The following CRISPLD2 variants were observed in gnomAD, a reference collection of about 807,000 sequenced individuals.
The protein encoded by CRISPLD2 is cysteine rich secretory protein LCCL domain containing 2.
Under a neutral mutation model 71.1 loss-of-function variants are expected in CRISPLD2, and 47 were observed. The ratio of observed to expected loss-of-function variants is 0.66; its 90% CI spans 0.52 to 0.84. CRISPLD2 has a LOEUF of 0.84. CRISPLD2 is among the 40% of genes least tolerant of loss of function. The pLI is 0.00. For missense variants in CRISPLD2, 830 were observed against 651.1 expected (o/e 1.27, Z -2.99); for synonymous variants, 317 against 250.1 (o/e 1.27, Z -2.52).
rs114234975 is a variant in CRISPLD2, at chr16:84,866,995, A to G, written c.808A>G (p.Met270Val). 1.4e-3 allele frequency: 2,209 copies of G among 1,614,068 alleles called. 32 individuals are homozygous for G. In the African/African-American group the frequency reaches 0.026, roughly 19 times the overall value. The change falls in exon 7 of 15, where the codon ATG becomes GTG. Residue 270 changes from methionine to valine, a missense_variant. By Grantham distance (21) the Met-to-Val change is conservative. Transcript: ENST00000262424. ...ENHVWLQPRVMRPTKPKKTSA... is the reference protein window; with the variant it reads ...ENHVWLQPRVVRPTKPKKTSA... Reference sequence around the variant, plus strand: ...CCATGTTTGGCTCCAACCGAGGGTGATGAGACCCACCAAGCCCAAGAAAAC... The same window carrying G: ...CCATGTTTGGCTCCAACCGAGGGTGGTGAGACCCACCAAGCCCAAGAAAAC...
At chr16:84,843,801 G>A (rs1015766990) in intron 2 of CRISPLD2, among the ~76,000 whole-genome samples, 2 of 152,362 alleles carry the variant, frequency 1.3e-5, no homozygotes, top group East Asian at 3.9e-4. Flanking sequence ...AGCCAGACAA[G>A]AGGGGGTTGT....
At chr16:84,868,725 GC>G in intron 7 of CRISPLD2, 125 bp from the exon 8 acceptor site, 2 of 777,580 alleles carry the variant, frequency 2.6e-6, no homozygotes, top group Non-Finnish European at 4.3e-6. Flanking sequence ...ATCAGGCATT[GC>G]CCTTGCTCTT....
chr16:84,897,148 A>G (rs1485836857), intron 14 of CRISPLD2, among the ~76,000 whole-genome samples: 2 of 152,228 alleles, frequency 1.3e-5, no homozygotes, highest in East Asian at 3.9e-4. Flanking sequence ...TCTGGCCTTT[A>G]AAGGGCCTTT....
intron 1 of CRISPLD2, among the ~76,000 whole-genome samples, chr16:84,826,363 G>A (rs945810252): frequency 4.6e-5 from 7 of 152,230 alleles, no homozygotes; most frequent in African/African-American, 1.2e-4. Flanking sequence ...AAGCTGTGAC[G>A]CCCTGATGCT....
At chr16:84,903,164 C>A (rs1440145203) in intron 14 of CRISPLD2, among the ~76,000 whole-genome samples, 2 of 152,104 alleles carry the variant, frequency 1.3e-5, no homozygotes, top group African/African-American at 2.4e-5. Flanking sequence ...TAGCCCAGTC[C>A]AAAACAATGG....
intron 6 of CRISPLD2, among the ~76,000 whole-genome samples, chr16:84,863,421 C>T (rs936109943): frequency 1.3e-5 from 2 of 152,172 alleles, no homozygotes; most frequent in African/African-American, 4.8e-5. Context: ...ATCCAGGGTG[C>T]CTGGTAAGGC....
In CRISPLD2 at chr16:84,901,013, GCACACACA is replaced by G. The variant is rs3222775; in HGVS notation, c.1440-5551_1440-5544del. Among the ~76,000 whole-genome samples the G allele has an allele frequency of 6.1e-3, 853 of 140,172 alleles. 8 individuals are homozygous for G. The highest frequency in any genetic ancestry group is 0.021 in the African/African-American group (810 of 38,324). The allele number at this position is 140,172 out of a possible 152,430, so 92.0% of individuals were successfully genotyped here. ...TGCAGTGAATCATGATGGTGTCACT[GCACACACA>G]CACACACACACACACACACACACGC... On this transcript the variant is annotated intron_variant, in intron 14 of 14. Coordinates refer to ENST00000262424, the MANE Select transcript of CRISPLD2 (RefSeq NM_031476.4).
chr16:84,875,172 T>C (rs971494537), intron 11 of CRISPLD2, among the ~76,000 whole-genome samples: 1 of 152,036 alleles, frequency 6.6e-6, no homozygotes, highest in African/African-American at 2.4e-5. Flanking sequence ...GCCTGGAAAC[T>C]TGAGGCTGCA....
intron 1 of CRISPLD2, among the ~76,000 whole-genome samples, chr16:84,823,737 G>C (rs930938363): frequency 1.3e-5 from 2 of 152,172 alleles, no homozygotes; most frequent in African/African-American, 4.8e-5. Flanking sequence ...CTTGAGTGCT[G>C]CATCAGCTAA....
At chr16:84,889,177 G>C in intron 13 of CRISPLD2, 53 bp from the exon 14 acceptor site, 2 of 1,612,554 alleles carry the variant, frequency 1.2e-6, no homozygotes, top group East Asian at 2.2e-5. Flanking sequence ...CAGCTGGCTT[G>C]ACCCATGAGC....
At chr16:84,869,049 G>T (rs1215986304) in intron 8 of CRISPLD2, 138 bp downstream of exon 8, 5 of 721,540 alleles carry the variant, frequency 6.9e-6, no homozygotes, top group Non-Finnish European at 9.0e-6. Flanking sequence ...GGCAGAACAG[G>T]GGTTAGGGCT....
intron 11 of CRISPLD2, among the ~76,000 whole-genome samples, chr16:84,876,942 C>A (rs1308674981): frequency 6.6e-6 from 1 of 152,186 alleles, no homozygotes; most frequent in Non-Finnish European, 1.5e-5. Context: ...AGCCCCTCGC[C>A]CCTCAGCAGG....
chr16:84,842,513 A>G (rs1254389430), intron 2 of CRISPLD2, among the ~76,000 whole-genome samples: 1 of 151,556 alleles, frequency 6.6e-6, no homozygotes, highest in African/African-American at 2.4e-5. Flanking sequence ...AGCTGGAACG[A>G]CAGGTGCGCA....
At position 84,885,812 on chromosome 16, in the gene CRISPLD2, C is replaced by T. The variant is rs190963645; in HGVS notation, c.1306-3418C>T. On this transcript the variant is annotated intron_variant, in intron 13 of 14. Transcript: ENST00000262424. ...TTAATGTGGGAATGTTGGATCCCTT[C>T]TTTTTTTTTTTTTTTTTTTTTTGAG... is the stretch of plus-strand genomic sequence containing the variant. Among the ~76,000 whole-genome samples, 905 of 95,396 alleles carry T rather than the reference C, an allele frequency of 9.5e-3. 10 individuals carry two copies. Among genetic ancestry groups the T allele is most frequent in the African/African-American group, 0.031 (761 of 24,724 alleles). The allele number at this position is 95,396 out of a possible 152,430, so 62.6% of individuals were successfully genotyped here.
At chr16:84,903,307 C>T (rs972111480) in intron 14 of CRISPLD2, among the ~76,000 whole-genome samples, 3 of 151,916 alleles carry the variant, frequency 2.0e-5, no homozygotes, top group African/African-American at 7.3e-5. Flanking sequence ...CGGAAAGTAT[C>T]CTTAGAAGCC....
At chr16:84,871,653 G>T (rs146839144) in intron 8 of CRISPLD2, among the ~76,000 whole-genome samples, 1,649 of 152,176 alleles carry the variant, frequency 0.011, 25 homozygotes, top group African/African-American at 0.038. Context: ...CAGGGTTCAA[G>T]TGACTTTCCT....
At position 84,885,219 on chromosome 16, in the gene CRISPLD2, G is replaced by C. The variant is rs78455580; in HGVS notation, c.1306-4011G>C. Among the ~76,000 whole-genome samples the C allele has an allele frequency of 1.2e-3, 190 of 152,284 alleles. No homozygotes were observed. The East Asian group carries it at 0.033, about 26-fold the overall frequency. ...CAAGCACCAAGGCTTCCGCCTGCCG[G>C]AAAGAACAATGAGCTTAATTGTGTT... On this transcript the variant is annotated intron_variant, in intron 13 of 14. Transcript: ENST00000262424.
intron 14 of CRISPLD2, among the ~76,000 whole-genome samples, chr16:84,901,714 G>C (rs1262665286): frequency 2.0e-5 from 3 of 148,906 alleles, no homozygotes; most frequent in Non-Finnish European, 4.4e-5. Context: ...CTGACCTCAA[G>C]TGATCCACCT....
intron 14 of CRISPLD2, among the ~76,000 whole-genome samples, chr16:84,890,989 A>G (rs756847794): frequency 1.3e-5 from 2 of 151,588 alleles, no homozygotes; most frequent in African/African-American, 2.4e-5. Context: ...CTGGTCTCCA[A>G]CTCCTGACCT....
Sources: allele counts gnomAD v4.1 joint callset (sites outside exome capture counted in the v4.1 genomes callset), GRCh38; gene constraint gnomAD v4.1.1; transcripts MANE v1.5; gene names NCBI Gene and HGNC (gene_info 2026-07-23, HGNC 2026-07-21).